Variants in KIF6 observed in about 807,000 individuals in gnomAD.
KIF6 encodes the protein kinesin family member 6.
Under a neutral mutation model 112.7 loss-of-function variants are expected in KIF6, and 106 were observed. The ratio of observed to expected loss-of-function variants is 0.94; its 90% CI spans 0.80 to 1.11. The LOEUF is 1.11. KIF6 is among the 50% of genes least tolerant of loss of function. The probability of loss-of-function intolerance (pLI) is 0.00; values close to 1 mark genes in which losing one functional copy is unlikely to be tolerated. For missense variants in KIF6, 929 were observed against 964.0 expected (o/e 0.96, Z 0.48); for synonymous variants, 339 against 339.9 (o/e 1.00, Z 0.03).
intron 13 of KIF6, among the ~76,000 whole-genome samples, chr6:39,502,508 T>G (rs1276767643): frequency 6.6e-6 from 1 of 152,034 alleles, no homozygotes; most frequent in African/African-American, 2.4e-5. Context: ...TAACCTTAAG[T>G]GCAAATGGGC....
intron 5 of KIF6, among the ~76,000 whole-genome samples, chr6:39,624,505 T>A: frequency 6.6e-6 from 1 of 152,160 alleles, no homozygotes; most frequent in East Asian, 1.9e-4. Context: ...TACTGAAAAT[T>A]GAGAATGGAT....
chr6:39,386,380 G>C (rs973574580), intron 15 of KIF6, among the ~76,000 whole-genome samples: 3 of 152,160 alleles, frequency 2.0e-5, no homozygotes, highest in African/African-American at 7.2e-5. Flanking sequence ...TATTTAAGGT[G>C]ACATGAGACA....
At chr6:39,460,545 A>AAAAAAAAAAAAAAAAAAAAT (rs1773410290) in intron 13 of KIF6, among the ~76,000 whole-genome samples, 1 of 149,254 alleles carries the variant, frequency 6.7e-6, no homozygotes, top group Non-Finnish European at 1.5e-5. Flanking sequence ...GTAAAAAAAA[A>AAAAAAAAAAAAAAAAAAAAT]AAAAAAAAAA....
intron 15 of KIF6, among the ~76,000 whole-genome samples, chr6:39,414,703 A>G (rs1769771746): frequency 6.6e-6 from 1 of 152,246 alleles, no homozygotes; most frequent in African/African-American, 2.4e-5. Flanking sequence ...TGTTAGGCAT[A>G]TCGTGTAGGA....
At chr6:39,550,076 C>T (rs931205183) in intron 10 of KIF6, among the ~76,000 whole-genome samples, 17 of 152,074 alleles carry the variant, frequency 1.1e-4, no homozygotes, top group African/African-American at 2.9e-4. Flanking sequence ...AAGAGACCAG[C>T]GACCCAAGCT....
Position 39,360,381 on chromosome 6 carries a change from T to TC in KIF6, c.2082+13dup, listed in dbSNP as rs1197746144. 6.2e-7 allele frequency: 1 copy of TC among 1,613,758 alleles called. No homozygotes were observed. Among genetic ancestry groups the TC allele is most frequent in the African/African-American group, 1.3e-5 (1 of 74,920 alleles). On this transcript the variant is annotated intron_variant, in intron 18 of 22. Coordinates refer to ENST00000287152, the MANE Select transcript of KIF6 (RefSeq NM_145027.6). ...GGCCCCTCCCCAGCTTCCCTGATGTTCCCCAGGCCATACCTGCAGGTTGGT... is the reference window on the plus strand; with the variant it reads ...GGCCCCTCCCCAGCTTCCCTGATGTTCCCCCAGGCCATACCTGCAGGTTGGT...
At chr6:39,393,689 TG>T (rs2150327581) in intron 15 of KIF6, among the ~76,000 whole-genome samples, 2 of 152,294 alleles carry the variant, frequency 1.3e-5, no homozygotes, top group Admixed American at 1.3e-4. Context: ...AGTAGTGAGA[TG>T]TTCAGTGGGG....
chr6:39,361,583 G>A (rs1025488118), intron 17 of KIF6, among the ~76,000 whole-genome samples: 5 of 150,340 alleles, frequency 3.3e-5, no homozygotes, highest in African/African-American at 4.9e-5. Flanking sequence ...AAAAAAAAGC[G>A]GGGGGTGTTG....
At chr6:39,445,104 C>T (rs190526657) in intron 13 of KIF6, among the ~76,000 whole-genome samples, 84 of 152,296 alleles carry the variant, frequency 5.5e-4, no homozygotes, top group African/African-American at 1.9e-3. Context: ...CAATTAAGTA[C>T]GGTAATTATC....
chr6:39,705,942 C>G (rs150554070), intron 3 of KIF6, among the ~76,000 whole-genome samples: 2 of 152,342 alleles, frequency 1.3e-5, no homozygotes, highest in African/African-American at 4.8e-5. Context: ...GCCTCAGGAT[C>G]TGCTTCTGGT....
At chr6:39,449,778 GCCTGC>G (rs1772565825) in intron 13 of KIF6, among the ~76,000 whole-genome samples, 1 of 152,180 alleles carries the variant, frequency 6.6e-6, no homozygotes, top group Non-Finnish European at 1.5e-5. Context: ...TGGCACACCT[GCCTGC>G]CCACATCAAG....
chr6:39,437,725 G>T (rs183028399), intron 13 of KIF6, among the ~76,000 whole-genome samples: 1 of 152,242 alleles, frequency 6.6e-6, no homozygotes, highest in Admixed American at 6.5e-5. Context: ...CTACAGTCCT[G>T]CCCCACATAA....
At chr6:39,515,787 C>T (rs1169908655) in intron 13 of KIF6, among the ~76,000 whole-genome samples, 1 of 152,082 alleles carries the variant, frequency 6.6e-6, no homozygotes, top group Non-Finnish European at 1.5e-5. Context: ...AAGGCTAGGT[C>T]AAATTCCAAG....
chr6:39,450,223 TA>T (rs1434026738), intron 13 of KIF6, among the ~76,000 whole-genome samples: 2 of 152,202 alleles, frequency 1.3e-5, no homozygotes, highest in Non-Finnish European at 2.9e-5. Flanking sequence ...TCATCCAAGC[TA>T]ATATCTGTAC....
chr6:39,625,142 C>T (rs143911645), intron 5 of KIF6, among the ~76,000 whole-genome samples: 1,562 of 152,248 alleles, frequency 0.01, 16 homozygotes, highest in Non-Finnish European at 0.014. Flanking sequence ...TCTTGGACTT[C>T]CCAGCCTCCA....
chr6:39,564,066 A>T (rs1251292203), intron 10 of KIF6, among the ~76,000 whole-genome samples: 1 of 152,196 alleles, frequency 6.6e-6, no homozygotes, highest in Non-Finnish European at 1.5e-5. Context: ...AGGGTTTCAG[A>T]CTAAATAGAC....
chr6:39,387,196 A>C (rs989884366), intron 15 of KIF6, among the ~76,000 whole-genome samples: 6 of 152,166 alleles, frequency 3.9e-5, no homozygotes, highest in African/African-American at 1.4e-4. Flanking sequence ...TAAGGAATTA[A>C]TTATGTGGAG....
chr6:39,519,820 G>A (rs1327240885), intron 13 of KIF6, among the ~76,000 whole-genome samples: 3 of 152,224 alleles, frequency 2.0e-5, no homozygotes, highest in East Asian at 1.9e-4. Flanking sequence ...TCAGAAGTTC[G>A]AGACCAGCCT....
chr6:39,363,688 C>G (rs547399336), intron 16 of KIF6, among the ~76,000 whole-genome samples: 6 of 152,314 alleles, frequency 3.9e-5, no homozygotes. Flanking sequence ...AGTCCATGTG[C>G]TTCCAGACAT....
Sources: gnomAD v4.1 joint callset for allele counts (sites outside exome capture counted in the v4.1 genomes callset) on GRCh38, gnomAD v4.1.1 for gene constraint, MANE v1.5 for transcripts, NCBI Gene and HGNC (gene_info 2026-07-23, HGNC 2026-07-21) for gene names.